ITSN1: variants seen among roughly 807,000 people sequenced by gnomAD.
ITSN1 encodes the protein intersectin-1.
In ITSN1, 58 loss-of-function variants were observed where a neutral mutation model predicts 239.8. The ratio of observed to expected loss-of-function variants is 0.24; its 90% CI spans 0.20 to 0.30. ITSN1 has a LOEUF of 0.30. Ranked by LOEUF, ITSN1 falls within the 10% of genes least tolerant of loss-of-function variation. The pLI is 1.00. For synonymous variants in ITSN1, 780 were observed against 770.8 expected (o/e 1.01, Z -0.20); for missense variants, 1,558 against 2,103.3 (o/e 0.74, Z 5.07).
chr21:33,877,782 A>T (rs2300383), intron 34 of ITSN1, among the ~76,000 whole-genome samples: 1 of 151,010 alleles, frequency 6.6e-6, no homozygotes, highest in African/African-American at 2.4e-5. Context: ...TCCTATTTTC[A>T]TTCTGTTTTC....
In ITSN1 at chr21:33,760,024, C is replaced by A. The variant is rs182505905; in HGVS notation, c.725-1899C>A. ...AGGCTGAGGCAGAAGAATCATTGAA[C>A]CCGGGTGGAGGAGGTTGCAGGGAGC... On this transcript the variant is annotated intron_variant, in intron 8 of 39. Coordinates refer to ENST00000381318, the MANE Select transcript of ITSN1 (RefSeq NM_003024.3). 1.1e-3 allele frequency among the ~76,000 whole-genome samples: 170 copies of A among 152,024 alleles called. 4 individuals carry two copies. In the East Asian group the frequency reaches 0.027, roughly 24 times the overall value.
chr21:33,814,115 T>C (rs1178703854), intron 22 of ITSN1, 43 bp downstream of exon 22: 5 of 1,588,762 alleles, frequency 3.1e-6, no homozygotes, highest in Non-Finnish European at 4.3e-6. Flanking sequence ...GCATGCTATC[T>C]AGTGCCAAAA....
chr21:33,724,380 T>C (rs111257954), intron 4 of ITSN1, among the ~76,000 whole-genome samples: 6 of 152,356 alleles, frequency 3.9e-5, no homozygotes, highest in African/African-American at 1.4e-4. Context: ...AAAGAAGTCA[T>C]GTGCAAGTGA....
intron 4 of ITSN1, among the ~76,000 whole-genome samples, chr21:33,732,425 T>G (rs1170036625): frequency 6.6e-6 from 1 of 152,058 alleles, no homozygotes; most frequent in Non-Finnish European, 1.5e-5. Context: ...ATTCAGATGG[T>G]GGGGGGCTCA....
At chr21:33,692,849 C>T (rs921074358) in intron 1 of ITSN1, among the ~76,000 whole-genome samples, 3 of 151,976 alleles carry the variant, frequency 2.0e-5, no homozygotes, top group Non-Finnish European at 4.4e-5. Flanking sequence ...TGGCTTACTG[C>T]ACCCTCTGCC....
intron 1 of ITSN1, among the ~76,000 whole-genome samples, chr21:33,706,896 T>C (rs563281089): frequency 2.0e-5 from 3 of 152,268 alleles, no homozygotes; most frequent in African/African-American, 7.2e-5. Flanking sequence ...CTAATTTTTG[T>C]ATTTTTAGTA....
At chr21:33,668,229 A>C (rs1267105110) in intron 1 of ITSN1, among the ~76,000 whole-genome samples, 1 of 152,212 alleles carries the variant, frequency 6.6e-6, no homozygotes, top group Non-Finnish European at 1.5e-5. Flanking sequence ...AAAAAGTTGA[A>C]GAGGGAGATG....
At chr21:33,745,390 A>G (rs1395610412) in intron 5 of ITSN1, among the ~76,000 whole-genome samples, 1 of 152,222 alleles carries the variant, frequency 6.6e-6, no homozygotes. Flanking sequence ...TTCAGCAGTG[A>G]GATTTCCGAC....
Position 33,772,327 on chromosome 21 carries a change from A to G in ITSN1, c.1305+4A>G. On this transcript the variant is annotated splice_donor_region_variant and intron_variant, in intron 12 of 39. Coordinates refer to ENST00000381318, the MANE Select transcript of ITSN1 (RefSeq NM_003024.3). ...GAAAGAAATTGAGAGGCGAGAGGTA[A>G]GCAGGCGAGAGTGGAGCCACCCGGA... The G allele has an allele frequency of 6.4e-7, 1 of 1,551,564 alleles. No individual in the cohort carries two copies. The highest frequency in any genetic ancestry group is 8.7e-7 in the Non-Finnish European group (1 of 1,147,060).
chr21:33,817,441 A>G (rs2073360882), intron 22 of ITSN1: 15 of 1,304,398 alleles, frequency 1.1e-5, no homozygotes, highest in Non-Finnish European at 1.4e-5. Context: ...TGTGAAATTT[A>G]CGCTGATGCC....
chr21:33,858,915 T>C (rs1979904395), intron 31 of ITSN1, 123 bp downstream of exon 31: 4 of 534,486 alleles, frequency 7.5e-6, no homozygotes, highest in African/African-American at 1.9e-5. Flanking sequence ...TTTTTTTTTT[T>C]CTTCTCATTG....
chr21:33,875,455 G>A lies in ITSN1; in HGVS notation c.4275G>A (p.Arg1425=), dbSNP rs1983572191. The change falls in exon 34 of 40, where the codon CGG becomes CGA. Residue 1425 remains arginine, a synonymous_variant. Transcript: ENST00000381318. ...ELCSQVNEGV[R]EKENSDRLEW... is the part of the protein sequence containing the mutation. ...GTTCCCAGGTGAACGAAGGGGTGCG[G>A]GAGAAGGAGAACTCTGACCGGCTGG... 1.2e-6 allele frequency: 2 copies of A among 1,614,050 alleles called. No individual in the cohort carries two copies. The highest frequency in any genetic ancestry group is 1.7e-6 in the Non-Finnish European group (2 of 1,180,032).
chr21:33,739,267 TA>T (rs2066696311), intron 5 of ITSN1, among the ~76,000 whole-genome samples: 1 of 152,256 alleles, frequency 6.6e-6, no homozygotes, highest in Non-Finnish European at 1.5e-5. Flanking sequence ...TAGGAAATTC[TA>T]TGGGTAGACT....
At chr21:33,781,616 T>C (rs1429440687) in intron 15 of ITSN1, 68 bp downstream of exon 15, 2 of 907,036 alleles carry the variant, frequency 2.2e-6, no homozygotes, top group Non-Finnish European at 3.4e-6. Flanking sequence ...AGTCTCACTC[T>C]GTCCCCCAGG....
chr21:33,875,556 C>T (rs768497257), intron 34 of ITSN1, 35 bp downstream of exon 34: 49 of 1,597,932 alleles, frequency 3.1e-5, no homozygotes, highest in Admixed American at 2.4e-4. Flanking sequence ...TGGTCTCCCC[C>T]GGCAGAGCCT....
chr21:33,861,991 TAAAAAAA>T (rs776558259), intron 31 of ITSN1, among the ~76,000 whole-genome samples: 1 of 58,168 alleles, frequency 1.7e-5, no homozygotes, highest in Non-Finnish European at 3.0e-5. Context: ...TCATCTCTAC[TAAAAAAA>T]AAAAAAAAAA....
intron 29 of ITSN1, chr21:33,836,869 C>A: frequency 4.8e-6 from 3 of 621,172 alleles, no homozygotes; most frequent in Non-Finnish European, 5.5e-6. Flanking sequence ...CCTCCTTTTT[C>A]CTTTTTTTTT....
chr21:33,778,571 CTTTTTTTT>C (rs397948229), intron 14 of ITSN1, among the ~76,000 whole-genome samples: 7 of 63,952 alleles, frequency 1.1e-4, no homozygotes, highest in East Asian at 1.0e-3. Flanking sequence ...ATAATATTCT[CTTTTTTTT>C]TTTTTTTTTT....
At chr21:33,646,278 C>G (rs1237562716) in intron 1 of ITSN1, among the ~76,000 whole-genome samples, 1 of 152,128 alleles carries the variant, frequency 6.6e-6, no homozygotes, top group Admixed American at 6.5e-5. Context: ...AAAGAAGATT[C>G]AGAACAAAGC....
Sources: gnomAD v4.1 joint callset for allele counts (sites outside exome capture counted in the v4.1 genomes callset) on GRCh38, gnomAD v4.1.1 for gene constraint, MANE v1.5 for transcripts, NCBI Gene and HGNC (gene_info 2026-07-23, HGNC 2026-07-21) for gene names.